Variants in SMARCAL1 observed in about 807,000 individuals in gnomAD.
The protein encoded by SMARCAL1 is SNF2 related chromatin remodeling annealing helicase 1.
A neutral mutation model predicts 94.5 loss-of-function variants in SMARCAL1; 58 were observed. That is an observed-to-expected ratio of 0.61 (90% confidence interval 0.50 to 0.76). SMARCAL1 has a LOEUF of 0.76. Ranked by LOEUF, SMARCAL1 falls within the 30% of genes least tolerant of loss-of-function variation. The pLI is 0.00. For missense variants in SMARCAL1, 1,051 were observed against 1,177.9 expected (o/e 0.89, Z 1.58); for synonymous variants, 422 against 455.1 (o/e 0.93, Z 0.93).
intron 10 of SMARCAL1, among the ~76,000 whole-genome samples, chr2:216,445,113 T>C (rs767670133): frequency 2.0e-5 from 3 of 152,336 alleles, no homozygotes; most frequent in Non-Finnish European, 2.9e-5. Context: ...AACTGTTCAA[T>C]TTGGTGTTGA....
In SMARCAL1 at chr2:216,415,038, A is replaced by G. The variant is rs1319568251; in HGVS notation, c.334A>G (p.Ser112Gly). ...AATGCCCACAGCCTGCCCAGGCCAC[A>G]GTCCACGTAGTCAAATGGCTCTCAC... ...EEMPTACPGH[S>G]PRSQMALTGI... The change falls in exon 3 of 18, where the codon AGT becomes GGT. Residue 112 changes from serine (S) to glycine (G), a missense_variant. Around this residue, in one of 3 missense-constraint regions of SMARCAL1, gnomAD observed 398 missense variants for 395.2 expected, o/e 1.01. Coordinates refer to ENST00000357276, the MANE Select transcript of SMARCAL1 (RefSeq NM_014140.4). The G allele has an allele frequency of 1.2e-6, 2 of 1,614,138 alleles. No homozygotes were observed. Among genetic ancestry groups the G allele is most frequent in the South Asian group, 1.1e-5 (1 of 91,094 alleles).
intron 4 of SMARCAL1, among the ~76,000 whole-genome samples, chr2:216,417,234 C>T (rs1231087316): frequency 1.3e-5 from 2 of 152,222 alleles, no homozygotes; most frequent in African/African-American, 4.8e-5. Context: ...TGGTTTTCTC[C>T]TTGGCCTCCA....
chr2:216,427,523 G>A (rs1194259815), intron 6 of SMARCAL1: 1 of 152,228 alleles, frequency 6.6e-6, no homozygotes, highest in Non-Finnish European at 1.5e-5. Context: ...GCCTCCTGAA[G>A]TGTGTAGAAA....
chr2:216,476,200 A>G (rs1046478512), intron 15 of SMARCAL1, among the ~76,000 whole-genome samples: 2 of 152,106 alleles, frequency 1.3e-5, no homozygotes, highest in African/African-American at 4.8e-5. Context: ...TTTATATAAT[A>G]TTTAATAATA....
At chr2:216,468,365 G>T (rs769907104) in intron 14 of SMARCAL1, among the ~76,000 whole-genome samples, 7 of 152,192 alleles carry the variant, frequency 4.6e-5, no homozygotes, top group Non-Finnish European at 1.0e-4. Context: ...TTGTCCTTTT[G>T]TATGGAGACA....
At chr2:216,425,517 C>T (rs138494506) in intron 6 of SMARCAL1, among the ~76,000 whole-genome samples, 9 of 152,262 alleles carry the variant, frequency 5.9e-5, no homozygotes, top group Admixed American at 2.0e-4. Context: ...TCCTGTGGTT[C>T]GGCAGACAGG....
intron 17 of SMARCAL1, among the ~76,000 whole-genome samples, chr2:216,480,855 A>G (rs1343658990): frequency 1.3e-5 from 2 of 152,196 alleles, no homozygotes; most frequent in Admixed American, 1.3e-4. Flanking sequence ...ACATGACCAA[A>G]AAAATCTTTA....
intron 12 of SMARCAL1, among the ~76,000 whole-genome samples, chr2:216,461,214 G>T (rs1204219800): frequency 6.6e-6 from 1 of 151,772 alleles, no homozygotes; most frequent in African/African-American, 2.4e-5. Flanking sequence ...GTGCACATGT[G>T]CTGCTTCTGT....
intron 10 of SMARCAL1, among the ~76,000 whole-genome samples, chr2:216,442,899 C>T (rs1694226657): frequency 6.6e-6 from 1 of 152,082 alleles, no homozygotes; most frequent in African/African-American, 2.4e-5. Context: ...CCTATCAGGC[C>T]AGAGGGGAGA....
chr2:216,432,638 G>A, intron 7 of SMARCAL1, 80 bp from the exon 8 acceptor site: 1 of 1,569,592 alleles, frequency 6.4e-7, no homozygotes, highest in Non-Finnish European at 8.8e-7. Context: ...CCTTCACCCA[G>A]CAGTGCTGAC....
At chr2:216,434,672 GA>G (rs34338586) in intron 8 of SMARCAL1, among the ~76,000 whole-genome samples, 37,618 of 145,004 alleles carry the variant, frequency 0.26, 5,497 homozygotes, top group African/African-American at 0.4. Flanking sequence ...CCATCTCTTT[GA>G]AAAAAAAAAA....
chr2:216,460,959 T>C (rs1335872633), intron 12 of SMARCAL1, among the ~76,000 whole-genome samples: 1 of 151,940 alleles, frequency 6.6e-6, no homozygotes, highest in Non-Finnish European at 1.5e-5. Context: ...GTAGATGAGA[T>C]AAAATGTACT....
intron 5 of SMARCAL1, among the ~76,000 whole-genome samples, chr2:216,421,963 G>A (rs1316135250): frequency 6.6e-6 from 1 of 152,164 alleles, no homozygotes; most frequent in Non-Finnish European, 1.5e-5. Flanking sequence ...AGGGCAGACG[G>A]GTGAGCAGGG....
At chr2:216,446,317 G>T (rs1256902124) in intron 10 of SMARCAL1, among the ~76,000 whole-genome samples, 1 of 152,232 alleles carries the variant, frequency 6.6e-6, no homozygotes, top group East Asian at 1.9e-4. Context: ...ATGGAACCAG[G>T]TATCACCTAT....
chr2:216,447,679 A>G (rs201928928), intron 11 of SMARCAL1, among the ~76,000 whole-genome samples: 7 of 145,150 alleles, frequency 4.8e-5, no homozygotes, highest in Non-Finnish European at 9.1e-5. Context: ...CAAAAAAAAA[A>G]GAAAAAAAAA....
At position 216,464,722 on chromosome 2, in the gene SMARCAL1, A is replaced by C. The variant is rs113194270; in HGVS notation, c.2141+55A>C. On this transcript the variant is annotated intron_variant, in intron 13 of 17. Transcript: ENST00000357276. Reference sequence around the variant, plus strand: ...CTCTCTCATCTTCAAAAAAAAAAAAAACAACTTATTACTTTATTCTGCCTG... The same window carrying C: ...CTCTCTCATCTTCAAAAAAAAAAAACACAACTTATTACTTTATTCTGCCTG... The C allele has an allele frequency of 6.2e-4, 755 of 1,213,686 alleles. 2 individuals are homozygous for C. In the African/African-American group the frequency reaches 0.01, roughly 17 times the overall value. 75.2% of individuals were successfully genotyped at this position (1,213,686 alleles called of 1,614,324 possible). A position where few individuals can be genotyped will look rare whatever the true frequency, so the allele number is the denominator to read the frequency against.
Position 216,475,207 on chromosome 2 carries a change from G to A in SMARCAL1, c.2245-62G>A, listed in dbSNP as rs997465742. The A allele has an allele frequency of 6.4e-7, 1 of 1,562,354 alleles. No individual in the cohort carries two copies. Among genetic ancestry groups the A allele is most frequent in the Non-Finnish European group, 8.8e-7 (1 of 1,136,726 alleles). ...TTCTGTGCTGGAGCTGTGGCTGGGT[G>A]TGGTTTGCTGAGAAGCCCCCGGGGC... On this transcript the variant is annotated intron_variant, in intron 14 of 17. Coordinates refer to ENST00000357276, the MANE Select transcript of SMARCAL1 (RefSeq NM_014140.4). This position sits in a 1 kb window ranked among gnomAD's most constrained non-coding sequence, Gnocchi z 4.4.
chr2:216,415,538 G>GTTTTTTTTTTTTTTTTTTTTTTTTTT, intron 3 of SMARCAL1, 23 bp downstream of exon 3: 3 of 1,399,876 alleles, frequency 2.1e-6, no homozygotes, highest in Non-Finnish European at 2.0e-6. Flanking sequence ...TTTTTCAGCT[G>GTTTTTTTTTTTTTTTTTTTTTTTTTT]TTTTTTTTTT....
In SMARCAL1 at chr2:216,482,623, AC is replaced by A. The variant is rs1201403442; in HGVS notation, c.2626-113del. 9 of 1,447,372 alleles carry A rather than the reference AC, an allele frequency of 6.2e-6. No individual in the cohort carries two copies. The highest frequency in any genetic ancestry group is 8.7e-6 in the Non-Finnish European group (9 of 1,032,066). The allele number at this position is 1,447,372 out of a possible 1,614,324, so 89.7% of individuals were successfully genotyped here. ...ACTTGCCATCGTGTAGCTCCCTGAC[AC>A]CATGAAATGTGTGGTCTCTCATCTT... On this transcript the variant is annotated intron_variant, in intron 17 of 17. Coordinates refer to ENST00000357276, the MANE Select transcript of SMARCAL1 (RefSeq NM_014140.4). The surrounding 1 kb of genome is among the most constrained non-coding windows in gnomAD (Gnocchi z 4.3).
Sources: gnomAD v4.1 joint callset for allele counts (sites outside exome capture counted in the v4.1 genomes callset) on GRCh38, gnomAD v4.1.1 for gene constraint, gnomAD v4.1.1 regional missense constraint, Gnocchi (gnomAD v3.1) non-coding constraint, MANE v1.5 for transcripts, NCBI Gene and HGNC (gene_info 2026-07-23, HGNC 2026-07-21) for gene names.